LPP: variants seen among roughly 807,000 people sequenced by gnomAD.
LPP encodes LIM domain containing preferred translocation partner in lipoma, also known as lipoma-preferred partner.
A neutral mutation model predicts 60.4 loss-of-function variants in LPP; 38 were observed. That is an observed-to-expected ratio of 0.63 (90% CI 0.49 to 0.83). LPP has a LOEUF of 0.83. Among genes scored for constraint, LPP ranks in the 40% least tolerant of loss-of-function variants. The pLI is 0.00. For synonymous variants in LPP, 328 were observed against 290.8 expected, an observed-to-expected ratio of 1.13 and a Z score of -1.30; for missense variants, 902 against 783.6, an observed-to-expected ratio of 1.15 and a Z score of -1.80.
intron 5 of LPP, among the ~76,000 whole-genome samples, chr3:188,506,981 T>C (rs1039178704): frequency 3.3e-5 from 5 of 152,070 alleles, no homozygotes; most frequent in Non-Finnish European, 4.4e-5. Context: ...GTATTTTTAG[T>C]AGAGACGGGG....
chr3:188,625,960 C>T (rs183362186), intron 7 of LPP, among the ~76,000 whole-genome samples: 1 of 152,012 alleles, frequency 6.6e-6, no homozygotes, highest in South Asian at 2.1e-4. Context: ...TCTAACAAAC[C>T]GAATGGGCCT....
chr3:188,290,683 G>A (rs536396700), intron 2 of LPP, among the ~76,000 whole-genome samples: 2 of 152,316 alleles, frequency 1.3e-5, no homozygotes, highest in Non-Finnish European at 1.5e-5. Context: ...AAAAGTTCTT[G>A]GCTTCTCTGT....
chr3:188,760,094 C>G lies in LPP; in HGVS notation c.1241-19C>G, dbSNP rs1419960549. ...GAAGTACTCCTTGGTGTGTTCTTAT[C>G]AAACCCTTTTTTTTCCAGGCCGCTG... On this transcript the variant is annotated intron_variant, in intron 8 of 11. Transcript: ENST00000617246. The G allele has an allele frequency of 1.2e-6, 2 of 1,612,842 alleles. No individual in the cohort carries two copies. Among genetic ancestry groups the G allele is most frequent in the African/African-American group, 1.3e-5 (1 of 74,876 alleles).
chr3:188,456,409 C>T (rs199853185), intron 4 of LPP, among the ~76,000 whole-genome samples: 1 of 152,246 alleles, frequency 6.6e-6, no homozygotes, highest in East Asian at 1.9e-4. Context: ...ATGACTGTAA[C>T]ATAGAGAGCG....
chr3:188,545,715 A>G (rs4686972), intron 6 of LPP, among the ~76,000 whole-genome samples: 79,688 of 151,970 alleles, frequency 0.52, 21,428 homozygotes, highest in East Asian at 0.92. Context: ...TTCTTACAGC[A>G]TGGTGGATGA....
At chr3:188,311,592 C>A (rs1753458224) in intron 2 of LPP, among the ~76,000 whole-genome samples, 1 of 151,990 alleles carries the variant, frequency 6.6e-6, no homozygotes, top group African/African-American at 2.4e-5. Flanking sequence ...GGCTTCCCTG[C>A]CCTGAATTCA....
chr3:188,227,237 G>A (rs1450056959), intron 2 of LPP, among the ~76,000 whole-genome samples: 1 of 151,144 alleles, frequency 6.6e-6, no homozygotes, highest in Non-Finnish European at 1.5e-5. Flanking sequence ...TGCACAATGT[G>A]CAGGTTAGTT....
At chr3:188,424,892 A>G (rs1788864896) in intron 4 of LPP, among the ~76,000 whole-genome samples, 1 of 152,240 alleles carries the variant, frequency 6.6e-6, no homozygotes, top group East Asian at 1.9e-4. Flanking sequence ...ATCTGCAAAC[A>G]GAGACAATTT....
At chr3:188,512,106 C>A (rs182508968) in intron 5 of LPP, among the ~76,000 whole-genome samples, 27 of 152,160 alleles carry the variant, frequency 1.8e-4, no homozygotes, top group Non-Finnish European at 3.2e-4. Flanking sequence ...GGAATAGCGA[C>A]GTAAATTCCC....
At chr3:188,190,086 C>T (rs1459512589) in intron 1 of LPP, among the ~76,000 whole-genome samples, 111 of 132,902 alleles carry the variant, frequency 8.4e-4, no homozygotes, top group African/African-American at 3.0e-3. Flanking sequence ...GATGAAGTTT[C>T]GCTCTGTCAC....
intron 6 of LPP, among the ~76,000 whole-genome samples, chr3:188,599,474 G>A (rs549376281): frequency 2.0e-5 from 3 of 152,140 alleles, no homozygotes. Flanking sequence ...CAACATTGGG[G>A]TCTCTAGAAG....
chr3:188,453,843 C>T (rs1023103357), intron 4 of LPP, among the ~76,000 whole-genome samples: 1 of 151,962 alleles, frequency 6.6e-6, no homozygotes, highest in Non-Finnish European at 1.5e-5. Context: ...GATGGGACTT[C>T]GTTTAAACAG....
At chr3:188,422,830 A>G (rs2149052852) in intron 4 of LPP, among the ~76,000 whole-genome samples, 1 of 151,654 alleles carries the variant, frequency 6.6e-6, no homozygotes, top group East Asian at 1.9e-4. Context: ...TCTAACCTAT[A>G]TGCGTTTCTC....
intron 2 of LPP, among the ~76,000 whole-genome samples, chr3:188,318,909 C>A (rs928716111): frequency 7.3e-5 from 11 of 150,760 alleles, no homozygotes; most frequent in South Asian, 6.3e-4. Context: ...CAGGCGCGCG[C>A]CACTACGCCC....
intron 6 of LPP, among the ~76,000 whole-genome samples, chr3:188,559,897 T>C (rs1422611875): frequency 6.6e-6 from 1 of 152,054 alleles, no homozygotes; most frequent in Admixed American, 6.6e-5. Context: ...ACATAGCAGC[T>C]TTCCTGACCT....
intron 1 of LPP, among the ~76,000 whole-genome samples, chr3:188,190,788 G>C (rs1236490143): frequency 6.6e-6 from 1 of 152,168 alleles, no homozygotes; most frequent in Admixed American, 6.5e-5. Flanking sequence ...TTAGAATTTA[G>C]CCCCGGCCAT....
Position 188,861,733 on chromosome 3 carries a change from G to A in LPP, c.1411-4467G>A, listed in dbSNP as rs998559423. Among the ~76,000 whole-genome samples the A allele has an allele frequency of 7.9e-5, 12 of 152,200 alleles. No individual in the cohort carries two copies. In the East Asian group the frequency reaches 1.9e-3, roughly 24 times the overall value. The stretch of plus-strand genomic sequence containing the variant: ...CCCATTGTATCTCTGACTTAAAAAC[G>A]TTGCATTTGGGGGTTTTCTGTACAA... On this transcript the variant is annotated intron_variant, in intron 9 of 11. Coordinates refer to ENST00000617246, the MANE Select transcript of LPP (RefSeq NM_001375462.1).
chr3:188,368,719 CAGAGAGAGAG>C (rs374471455), intron 3 of LPP, among the ~76,000 whole-genome samples: 18 of 99,652 alleles, frequency 1.8e-4, no homozygotes, highest in African/African-American at 2.6e-4. Flanking sequence ...CACACACACA[CAGAGAGAGAG>C]AGAGAGAGAG....
intron 7 of LPP, among the ~76,000 whole-genome samples, chr3:188,663,997 TA>T (rs1317841888): frequency 6.6e-6 from 1 of 152,204 alleles, no homozygotes; most frequent in Non-Finnish European, 1.5e-5. Flanking sequence ...TATCAGTCCA[TA>T]GCCTGGGGAT....
Sources: gnomAD v4.1 joint callset for allele counts (sites outside exome capture counted in the v4.1 genomes callset) on GRCh38, gnomAD v4.1.1 for gene constraint, MANE v1.5 for transcripts, NCBI Gene and HGNC (gene_info 2026-07-23, HGNC 2026-07-21) for gene names.